FBRS: variants seen among roughly 807,000 people sequenced by gnomAD.
FBRS encodes probable fibrosin-1.
In FBRS, 15 loss-of-function variants were observed where a neutral mutation model predicts 86.1. The observed-to-expected ratio is 0.17, with a 90% CI of 0.12 to 0.27. The LOEUF (loss-of-function observed/expected upper bound fraction) is 0.27, where lower values mean the gene tolerates loss of function less well. Ranked by LOEUF, FBRS falls within the 10% of genes least tolerant of loss-of-function variation. The pLI, the probability that FBRS is intolerant of heterozygous loss-of-function variation, is 1.00. For missense variants in FBRS, 1,367 were observed against 1,301.6 expected, an observed-to-expected ratio of 1.05 and a Z score of -0.77; for synonymous variants, 666 against 575.8, an observed-to-expected ratio of 1.16 and a Z score of -2.24.
At position 30,664,344 on chromosome 16, in the gene FBRS, G is replaced by A. The variant is rs993463167; in HGVS notation, c.1185G>A (p.Thr395=). 9 of 1,488,146 alleles carry A rather than the reference G, an allele frequency of 6.0e-6. No homozygotes were observed. The highest frequency in any genetic ancestry group is 5.7e-5 in the African/African-American group (4 of 69,598). 92.2% of individuals were successfully genotyped at this position (1,488,146 alleles called of 1,614,324 possible). A position where few individuals can be genotyped will look rare whatever the true frequency, so the allele number is the denominator to read the frequency against. The change falls in exon 7 of 18, where the codon ACG becomes ACA. Residue 395 remains threonine (T), a synonymous_variant. Coordinates refer to ENST00000356166, the MANE Select transcript of FBRS (RefSeq NM_001105079.3). ...CGCAGCTCACCCACCGGCCCCCGACGCCCTCACTGCCCCTGCCTTTGTCCA... is the reference window on the plus strand; with the variant it reads ...CGCAGCTCACCCACCGGCCCCCGACACCCTCACTGCCCCTGCCTTTGTCCA... ...SSAQLTHRPP[T]PSLPLPLSTH... is the part of the protein sequence containing the mutation.
Position 30,665,519 on chromosome 16 carries a change from C to A in FBRS, c.1704+118C>A. ...GTGCCCATCCTCCTGCCCTGCCCTGCTGCACCCAGTTTTCTCCAAAGCCAT... is the reference window on the plus strand; with the variant it reads ...GTGCCCATCCTCCTGCCCTGCCCTGATGCACCCAGTTTTCTCCAAAGCCAT... On this transcript the variant is annotated intron_variant, in intron 10 of 17. Transcript: ENST00000356166. This position sits in a 1 kb window ranked among gnomAD's most constrained non-coding sequence, Gnocchi z 4.1. The A allele has an allele frequency of 7.0e-7, 1 of 1,422,778 alleles. No individual in the cohort carries two copies. Among genetic ancestry groups the A allele is most frequent in the Non-Finnish European group, 9.7e-7 (1 of 1,030,020 alleles). 88.1% of individuals were successfully genotyped at this position (1,422,778 alleles called of 1,614,324 possible). A position where few individuals can be genotyped will look rare whatever the true frequency, so the allele number is the denominator to read the frequency against.
At chr16:30,667,687 G>C in intron 15 of FBRS, 65 bp downstream of exon 15, 1 of 1,382,912 alleles carries the variant, frequency 7.2e-7, no homozygotes, top group Non-Finnish European at 9.6e-7. Flanking sequence ...ATGGAAATCA[G>C]ACCCAGCAGG....
chr16:30,665,898 T>C lies in FBRS; in HGVS notation c.1773+192T>C. On this transcript the variant is annotated intron_variant, in intron 11 of 17. Coordinates refer to ENST00000356166, the MANE Select transcript of FBRS (RefSeq NM_001105079.3). This position sits in a 1 kb window ranked among gnomAD's most constrained non-coding sequence, Gnocchi z 4.1. ...ATGAGGAATGAGAGTTTCATGAGCTTGTCCCAGAAATAGGATGATTAGGAC... is the reference window on the plus strand; with the variant it reads ...ATGAGGAATGAGAGTTTCATGAGCTCGTCCCAGAAATAGGATGATTAGGAC... 1 of 572,014 alleles carries C rather than the reference T, an allele frequency of 1.7e-6. No homozygotes were observed. Among genetic ancestry groups the C allele is most frequent in the Non-Finnish European group, 3.1e-6 (1 of 324,282 alleles). The allele number at this position is 572,014 out of a possible 1,614,324, so 35.4% of individuals were successfully genotyped here. A position where few individuals can be genotyped will look rare whatever the true frequency, so the allele number is the denominator to read the frequency against.
rs769034764 is a variant in FBRS, at chr16:30,670,108, A to G, written c.*463A>G. 6.5e-6 allele frequency: 3 copies of G among 464,922 alleles called. No homozygotes were observed. Among genetic ancestry groups the G allele is most frequent in the African/African-American group, 2.0e-5 (1 of 50,382 alleles). The allele number at this position is 464,922 out of a possible 1,614,324, so 28.8% of individuals were successfully genotyped here. A position where few individuals can be genotyped will look rare whatever the true frequency, so the allele number is the denominator to read the frequency against. On this transcript the variant is annotated 3_prime_UTR_variant, in exon 18 of 18. Coordinates refer to ENST00000356166, the MANE Select transcript of FBRS (RefSeq NM_001105079.3). Reference sequence around the variant, plus strand: ...TGTACATATTTATCACCCCTTTCACATAGCCCCAAGACCTTTTGTACATTT... The same window carrying G: ...TGTACATATTTATCACCCCTTTCACGTAGCCCCAAGACCTTTTGTACATTT...
intron 2 of FBRS, 57 bp downstream of exon 2, chr16:30,660,499 TC>T (rs2052446053): frequency 1.6e-6 from 2 of 1,256,192 alleles, no homozygotes; most frequent in Non-Finnish European, 2.0e-6. Context: ...GCCCCGTTTT[TC>T]ATCAGCAACG....
chr16:30,667,490 C>A (rs2052537607), intron 14 of FBRS, 52 bp from the exon 15 acceptor site: 2 of 1,512,216 alleles, frequency 1.3e-6, no homozygotes, highest in Non-Finnish European at 1.8e-6. Context: ...TAGCCTGAGG[C>A]CCAGCTTGTG....
chr16:30,665,490 A>G lies in FBRS; in HGVS notation c.1704+89A>G, dbSNP rs1596617354. 7.0e-7 allele frequency: 1 copy of G among 1,433,576 alleles called. No homozygotes were observed. The highest frequency in any genetic ancestry group is 1.4e-5 in the African/African-American group (1 of 70,694). The allele number at this position is 1,433,576 out of a possible 1,614,324, so 88.8% of individuals were successfully genotyped here. On this transcript the variant is annotated intron_variant, in intron 10 of 17. Coordinates refer to ENST00000356166, the MANE Select transcript of FBRS (RefSeq NM_001105079.3). This position sits in a 1 kb window ranked among gnomAD's most constrained non-coding sequence, Gnocchi z 4.1. ...CAAGCACCCTTCTCCCATTCCCCAA[A>G]GTCGTGCCCATCCTCCTGCCCTGCC... is the stretch of plus-strand genomic sequence containing the variant.
At position 30,665,427 on chromosome 16, in the gene FBRS, A is replaced by C. The variant is rs1337291181; in HGVS notation, c.1704+26A>C. 1 of 1,547,468 alleles carries C rather than the reference A, an allele frequency of 6.5e-7. No individual in the cohort carries two copies. Among genetic ancestry groups the C allele is most frequent in the East Asian group, 2.4e-5 (1 of 41,298 alleles). The stretch of plus-strand genomic sequence containing the variant: ...GTGAGCTCCCAATCCAGACACCACC[A>C]CCGCCTACCATCTTGACAAACCCAG... On this transcript the variant is annotated intron_variant, in intron 10 of 17. Transcript: ENST00000356166. This position sits in a 1 kb window ranked among gnomAD's most constrained non-coding sequence, Gnocchi z 4.1.
In FBRS at chr16:30,664,485, C is replaced by A. The variant is rs1362844095; in HGVS notation, c.1326C>A (p.His442Gln). ...PPPPLLQVPGHPGASAANALS... is the reference protein window; with the variant it reads ...PPPPLLQVPGQPGASAANALS... ...CACCCCTGCTGCAGGTGCCAGGGCACCCTGGGGCCTCAGCCGCTAACGCCC... is the reference window on the plus strand; with the variant it reads ...CACCCCTGCTGCAGGTGCCAGGGCAACCTGGGGCCTCAGCCGCTAACGCCC... Residue 442 changes from histidine to glutamine, a missense_variant, in exon 7 of 18, where the codon CAC becomes CAA. Coordinates refer to ENST00000356166, the MANE Select transcript of FBRS (RefSeq NM_001105079.3). The A allele has an allele frequency of 7.1e-7, 1 of 1,413,450 alleles. No homozygotes were observed. Among genetic ancestry groups the A allele is most frequent in the Non-Finnish European group, 9.2e-7 (1 of 1,085,148 alleles). The allele number at this position is 1,413,450 out of a possible 1,614,324, so 87.6% of individuals were successfully genotyped here. A position where few individuals can be genotyped will look rare whatever the true frequency, so the allele number is the denominator to read the frequency against.
intron 15 of FBRS, 29 bp from the exon 16 acceptor site, chr16:30,668,531 G>T: frequency 6.3e-7 from 1 of 1,599,940 alleles, no homozygotes. Flanking sequence ...GCTGCCCAGT[G>T]CTCTGACCAC....
chr16:30,667,364 C>T lies in FBRS; in HGVS notation c.1920C>T (p.Cys640=). 5.8e-6 allele frequency: 9 copies of T among 1,553,956 alleles called. No homozygotes were observed. The highest frequency in any genetic ancestry group is 7.0e-6 in the Non-Finnish European group (8 of 1,148,288). Residue 640 remains cysteine (C), a synonymous_variant, in exon 14 of 18, where the codon TGC becomes TGT. Transcript: ENST00000356166. ...KLDFRNDLLP[C]LPGPYGALPP... ...ACTTTCGGAATGACCTCCTGCCCTG[C>T]CTTCCGGGGCCCTATGGGGCCCTGC...
Position 30,666,530 on chromosome 16 carries a change from C to A in FBRS, c.1792C>A (p.Pro598Thr). The A allele has an allele frequency of 6.2e-7, 1 of 1,614,020 alleles. No individual in the cohort carries two copies. Among genetic ancestry groups the A allele is most frequent in the Non-Finnish European group, 8.5e-7 (1 of 1,179,900 alleles). Residue 598 changes from proline to threonine, a missense_variant, in exon 12 of 18, where the codon CCA (proline) becomes ACA (threonine). Transcript: ENST00000356166. ...TCCCCAGATCCCCGACCATTTCCGG[C>A]CACCTTTGAGGGTGAGTTGTGTGAG... ...KGTQIPDHFRPPLRKPGKWCA... is the reference protein window; with the variant it reads ...KGTQIPDHFRTPLRKPGKWCA...
In FBRS at chr16:30,659,963, C is replaced by T. The variant is rs527968676; in HGVS notation, c.445C>T (p.Leu149Phe). 98 of 1,550,162 alleles carry T rather than the reference C, an allele frequency of 6.3e-5. No homozygotes were observed. In the East Asian group the frequency reaches 2.3e-3, roughly 37 times the overall value. The change falls in exon 1 of 18, where the codon CTC (leucine) becomes TTC (phenylalanine). Residue 149 changes from leucine to phenylalanine, a missense_variant. By Grantham distance (22) the Leu-to-Phe change is conservative (BLOSUM62 0). This residue lies in a region of FBRS where 702 missense variants were observed against 598.7 expected (regional missense o/e 1.17). Coordinates refer to ENST00000356166, the MANE Select transcript of FBRS (RefSeq NM_001105079.3). ...CTTCGCCATCGCCAGCTTCGCCACCCTCGAGGCCTTGCAGGTGGGGCCTAA... is the reference window on the plus strand; with the variant it reads ...CTTCGCCATCGCCAGCTTCGCCACCTTCGAGGCCTTGCAGGTGGGGCCTAA... ...DGFAIASFAT[L>F]EALQKDASLQ... is the part of the protein sequence containing the mutation.
Position 30,659,540 on chromosome 16 carries a change from GC to G in FBRS, c.26del (p.Pro9ArgfsTer129), listed in dbSNP as rs1255874996. 6.4e-6 allele frequency: 2 copies of G among 311,850 alleles called. No individual in the cohort carries two copies. The highest frequency in any genetic ancestry group is 1.2e-5 in the Non-Finnish European group (2 of 171,024). 19.3% of individuals were successfully genotyped at this position (311,850 alleles called of 1,614,324 possible). ...CGCCATGGAGACGGCAGCGGCCGCG[GC>G]CCCGGGTCCGGGCTGGGCAGCAGAG... METAAAA[A>X]PGPGWAAEGE... On this transcript the variant is annotated frameshift_variant, in exon 1 of 18. Coordinates refer to ENST00000356166, the MANE Select transcript of FBRS (RefSeq NM_001105079.3). LOFTEE classifies it high-confidence loss of function.
At chr16:30,666,688 G>A in intron 12 of FBRS, 147 bp downstream of exon 12, 1 of 1,382,076 alleles carries the variant, frequency 7.2e-7, no homozygotes, top group East Asian at 2.3e-5. Context: ...GGGCTTTCAA[G>A]TTGCAGACCT....
Position 30,659,037 on chromosome 16 carries a change from AAG to A in FBRS, c.-481_-480del, listed in dbSNP as rs2052420005. The A allele has an allele frequency of 6.6e-6, 1 of 152,130 alleles. No homozygotes were observed. Among genetic ancestry groups the A allele is most frequent in the Admixed American group, 6.6e-5 (1 of 15,266 alleles). The allele number at this position is 152,130 out of a possible 1,614,324, so 9.4% of individuals were successfully genotyped here. A position where few individuals can be genotyped will look rare whatever the true frequency, so the allele number is the denominator to read the frequency against. On this transcript the variant is annotated 5_prime_UTR_variant, in exon 1 of 18. Transcript: ENST00000356166. Reference sequence around the variant, plus strand: ...TGTTAGAAGGACCCTGGACTCCTTAAAGGGGTGGCCTCTTTGAGCCGGAGGAC... The same window carrying A: ...TGTTAGAAGGACCCTGGACTCCTTAAGGGTGGCCTCTTTGAGCCGGAGGAC...
Position 30,659,268 on chromosome 16 carries a change from GC to G in FBRS, c.-247del, listed in dbSNP as rs1042880346. On this transcript the variant is annotated 5_prime_UTR_variant, in exon 1 of 18. Transcript: ENST00000356166. ...GGGGCCTCGCCTTAAAGGGACGGCC[GC>G]CCCGTTTTCGCCGTCGCGGCCCCGC... 4.1e-5 allele frequency: 7 copies of G among 171,376 alleles called. No individual in the cohort carries two copies. Among genetic ancestry groups the G allele is most frequent in the African/African-American group, 1.7e-4 (7 of 41,902 alleles). The allele number at this position is 171,376 out of a possible 1,614,324, so 10.6% of individuals were successfully genotyped here.
intron 2 of FBRS, 32 bp from the exon 3 acceptor site, chr16:30,661,148 C>G (rs761823172): frequency 7.4e-5 from 115 of 1,550,116 alleles, no homozygotes; most frequent in Non-Finnish European, 9.7e-5. Flanking sequence ...CAGCAGCCGC[C>G]TCCCTCACCT....
rs1207413803 is a variant in FBRS, at chr16:30,660,193, C to CT, written c.460-69dup. The CT allele has an allele frequency of 3.5e-5, 50 of 1,413,380 alleles. No individual in the cohort carries two copies. In the Admixed American group the frequency reaches 4.7e-4, roughly 13 times the overall value. The allele number at this position is 1,413,380 out of a possible 1,614,324, so 87.6% of individuals were successfully genotyped here. ...CCGGCCCGAGGGGTACTTCGGCAACCTGGTCACCCCTAGAGGGGTTGGGAG... is the reference window on the plus strand; with the variant it reads ...CCGGCCCGAGGGGTACTTCGGCAACCTTGGTCACCCCTAGAGGGGTTGGGAG... On this transcript the variant is annotated intron_variant, in intron 1 of 17. Coordinates refer to ENST00000356166, the MANE Select transcript of FBRS (RefSeq NM_001105079.3).
Sources: gnomAD v4.1 joint callset for allele counts on GRCh38, gnomAD v4.1.1 for gene constraint, gnomAD v4.1.1 regional missense constraint, Gnocchi (gnomAD v3.1) non-coding constraint, MANE v1.5 for transcripts, NCBI Gene and HGNC (gene_info 2026-07-23, HGNC 2026-07-21) for gene names.